Variants in DLG2 observed in about 807,000 individuals in gnomAD.
DLG2 encodes the protein discs large MAGUK scaffold protein 2.
DLG2 carries 45 observed loss-of-function variants against 132.5 expected under a neutral mutation model. The ratio of observed to expected loss-of-function variants is 0.34; its 90% CI spans 0.27 to 0.44. The LOEUF is 0.44. Ranked by LOEUF, DLG2 falls within the 20% of genes least tolerant of loss-of-function variation. The pLI is 1.00. For synonymous variants in DLG2, 424 were observed against 419.6 expected (o/e 1.01, Z -0.13); for missense variants, 1,045 against 1,196.9 (o/e 0.87, Z 1.87).
At chr11:84,079,288 T>TC (rs2096871334) in intron 10 of DLG2, among the ~76,000 whole-genome samples, 2 of 151,608 alleles carry the variant, frequency 1.3e-5, no homozygotes, top group African/African-American at 4.8e-5. Flanking sequence ...GTTTTTTTTT[T>TC]TGTTTTTCTT....
chr11:84,760,388 T>A (rs772313861), intron 6 of DLG2, among the ~76,000 whole-genome samples: 18 of 152,222 alleles, frequency 1.2e-4, no homozygotes, highest in Non-Finnish European at 4.4e-5. Flanking sequence ...AAAGTCCCCA[T>A]AACCATTTAG....
At chr11:83,908,353 T>G (rs967766015) in intron 15 of DLG2, among the ~76,000 whole-genome samples, 3 of 152,074 alleles carry the variant, frequency 2.0e-5, no homozygotes, top group Non-Finnish European at 4.4e-5. Flanking sequence ...TCCCACTATG[T>G]TAACCTTCCT....
At position 85,104,888 on chromosome 11, in the gene DLG2, A is replaced by C. The variant is rs1386215392; in HGVS notation, c.357+6773T>G. On this transcript the variant is annotated intron_variant, in intron 6 of 27. Coordinates refer to ENST00000376104, the MANE Select transcript of DLG2 (RefSeq NM_001142699.3). Reference sequence around the variant, plus strand: ...GCTGAATGGCAAAAAAAAAAAAAAAAAAAAAAAAAAAACAGAGAGAGAAAG... The same window carrying C: ...GCTGAATGGCAAAAAAAAAAAAAAACAAAAAAAAAAAACAGAGAGAGAAAG... 3.3e-5 allele frequency among the ~76,000 whole-genome samples: 5 copies of C among 150,080 alleles called. No individual in the cohort carries two copies. In the South Asian group the frequency reaches 8.4e-4, roughly 25 times the overall value.
At chr11:85,041,963 A>G (rs967338020) in intron 6 of DLG2, among the ~76,000 whole-genome samples, 3 of 151,904 alleles carry the variant, frequency 2.0e-5, no homozygotes, top group African/African-American at 7.2e-5. Context: ...GAAATGAAAA[A>G]TTACCTATTG....
chr11:85,042,111 G>A (rs908749025), intron 6 of DLG2, among the ~76,000 whole-genome samples: 34 of 151,876 alleles, frequency 2.2e-4, no homozygotes, highest in African/African-American at 7.7e-4. Flanking sequence ...GGTTAAAAAA[G>A]GAATGCAATT....
At chr11:84,212,330 A>G (rs1366044505) in intron 8 of DLG2, among the ~76,000 whole-genome samples, 1 of 152,226 alleles carries the variant, frequency 6.6e-6, no homozygotes, top group East Asian at 1.9e-4. Context: ...GGCTGGATCC[A>G]GGTTCTGTGG....
intron 7 of DLG2, among the ~76,000 whole-genome samples, chr11:84,309,009 T>C (rs950536951): frequency 6.6e-6 from 1 of 152,100 alleles, no homozygotes; most frequent in Admixed American, 6.5e-5. Context: ...GCTGAAGGGC[T>C]CCTCAAGTGC....
At chr11:83,939,031 G>C (rs754842205) in intron 14 of DLG2, among the ~76,000 whole-genome samples, 7 of 152,192 alleles carry the variant, frequency 4.6e-5, no homozygotes. Flanking sequence ...GCTGGCATTA[G>C]ACTCACAATG....
chr11:83,872,036 C>T (rs987963096), intron 16 of DLG2, among the ~76,000 whole-genome samples: 15 of 151,960 alleles, frequency 9.9e-5, no homozygotes, highest in African/African-American at 2.4e-4. Context: ...GAGGCTGGGG[C>T]GGGCAGATCA....
chr11:83,655,273 T>C (rs903970121), intron 18 of DLG2, among the ~76,000 whole-genome samples: 1 of 152,158 alleles, frequency 6.6e-6, no homozygotes, highest in Admixed American at 6.5e-5. Context: ...GAAAAGAGTA[T>C]AAGAAGAAAA....
intron 8 of DLG2, among the ~76,000 whole-genome samples, chr11:84,209,117 G>C (rs909273717): frequency 1.3e-5 from 2 of 152,160 alleles, no homozygotes; most frequent in African/African-American, 4.8e-5. Context: ...AAAGGTTAAC[G>C]TCACCAGAAA....
At chr11:85,454,342 G>C (rs2092349478) in intron 3 of DLG2, among the ~76,000 whole-genome samples, 1 of 151,108 alleles carries the variant, frequency 6.6e-6, no homozygotes, top group African/African-American at 2.4e-5. Context: ...TATGTCTTTT[G>C]ACATGTATGT....
At chr11:84,868,137 TTTA>T (rs536171381) in intron 6 of DLG2, among the ~76,000 whole-genome samples, 2,030 of 147,914 alleles carry the variant, frequency 0.014, 47 homozygotes, top group African/African-American at 0.046. Context: ...TTATTAATAT[TTTA>T]TTATTATATT....
intron 6 of DLG2, among the ~76,000 whole-genome samples, chr11:84,956,515 C>T (rs894257808): frequency 2.6e-5 from 4 of 152,166 alleles, no homozygotes; most frequent in Non-Finnish European, 5.9e-5. Context: ...TAGGTCTTGG[C>T]CAAGATCACA....
chr11:84,268,512 A>G lies in DLG2; in HGVS notation c.520-17221T>C, dbSNP rs1408922727. Among the ~76,000 whole-genome samples the G allele has an allele frequency of 2.8e-5, 4 of 143,600 alleles. No homozygotes were observed. The Admixed American group carries it at 2.9e-4, about 10-fold the overall frequency. The allele number at this position is 143,600 out of a possible 152,430, so 94.2% of individuals were successfully genotyped here. On this transcript the variant is annotated intron_variant, in intron 7 of 27. Coordinates refer to ENST00000376104, the MANE Select transcript of DLG2 (RefSeq NM_001142699.3). The stretch of plus-strand genomic sequence containing the variant: ...AGTCTCGCTCTGTCACCCAGGCTGC[A>G]GTGCAGTGGCGCGATCTCGGCTCAC...
chr11:85,113,380 T>C (rs144571134), intron 5 of DLG2, among the ~76,000 whole-genome samples: 28 of 152,116 alleles, frequency 1.8e-4, no homozygotes, highest in Non-Finnish European at 8.8e-5. Context: ...GGTGCATAAA[T>C]AAGGTGTGTT....
chr11:84,160,297 G>A (rs1441182630), intron 9 of DLG2, among the ~76,000 whole-genome samples: 1 of 152,146 alleles, frequency 6.6e-6, no homozygotes, highest in Non-Finnish European at 1.5e-5. Flanking sequence ...CATTGAGGTG[G>A]TAAAAGAACA....
intron 15 of DLG2, among the ~76,000 whole-genome samples, chr11:83,911,944 C>T (rs963385716): frequency 1.3e-5 from 2 of 151,002 alleles, no homozygotes; most frequent in Admixed American, 6.6e-5. Flanking sequence ...CTTGTTAATT[C>T]CTACCCCAAA....
intron 7 of DLG2, among the ~76,000 whole-genome samples, chr11:84,359,088 T>C (rs980321719): frequency 6.6e-6 from 1 of 151,922 alleles, no homozygotes; most frequent in African/African-American, 2.4e-5. Context: ...GACCCCAGAA[T>C]TTGACCTCCA....
Sources: allele counts gnomAD v4.1 joint callset (sites outside exome capture counted in the v4.1 genomes callset), GRCh38; gene constraint gnomAD v4.1.1; transcripts MANE v1.5; gene names NCBI Gene and HGNC (gene_info 2026-07-23, HGNC 2026-07-21).